CNBD1: variants seen among roughly 807,000 people sequenced by gnomAD.
CNBD1 encodes the protein cyclic nucleotide binding domain containing 1.
In CNBD1, 71 loss-of-function variants were observed where a neutral mutation model predicts 54.4. The ratio of observed to expected loss-of-function variants is 1.30; its 90% CI spans 1.08 to 1.59. The LOEUF is 1.59. Ranked by LOEUF, CNBD1 falls within the 40% of genes most tolerant of loss-of-function variation. The probability of loss-of-function intolerance (pLI) is 0.00; values close to 1 mark genes in which losing one functional copy is unlikely to be tolerated. For synonymous variants in CNBD1, 182 were observed against 170.7 expected (o/e 1.07, Z -0.51); for missense variants, 659 against 518.0 (o/e 1.27, Z -2.64).
intron 2 of CNBD1, among the ~76,000 whole-genome samples, chr8:87,391,050 A>C (rs188215188): frequency 2.1e-5 from 3 of 143,782 alleles, no homozygotes; most frequent in Non-Finnish European, 4.6e-5. Flanking sequence ...AAGAGAACCC[A>C]TGGACACAGG....
At chr8:86,947,670 A>G (rs1280855062) in intron 4 of CNBD1, among the ~76,000 whole-genome samples, 1 of 152,108 alleles carries the variant, frequency 6.6e-6, no homozygotes, top group African/African-American at 2.4e-5. Flanking sequence ...TATGGGGCAC[A>G]TGAGATGTTT....
intron 3 of CNBD1, among the ~76,000 whole-genome samples, chr8:86,925,235 C>T (rs765807571): frequency 6.6e-5 from 10 of 152,024 alleles, no homozygotes; most frequent in African/African-American, 2.2e-4. Context: ...TATCCTGGAG[C>T]GAGAATTTAC....
At chr8:87,280,050 C>A (rs912258476) in intron 6 of CNBD1, among the ~76,000 whole-genome samples, 1 of 151,504 alleles carries the variant, frequency 6.6e-6, no homozygotes, top group Non-Finnish European at 1.5e-5. Context: ...CAGAAAATTT[C>A]TATTTAAGCA....
intron 8 of CNBD1, among the ~76,000 whole-genome samples, chr8:87,314,555 A>G (rs1314301253): frequency 6.6e-6 from 1 of 151,874 alleles, no homozygotes; most frequent in Non-Finnish European, 1.5e-5. Flanking sequence ...TGAGCTTGCT[A>G]ACATTTTTAA....
intron 6 of CNBD1, among the ~76,000 whole-genome samples, chr8:87,278,000 A>G (rs1350629119): frequency 1.3e-5 from 2 of 151,698 alleles, no homozygotes; most frequent in African/African-American, 4.8e-5. Context: ...TGAACAATAA[A>G]TAAGAAAATG....
At chr8:87,256,142 C>A (rs189362189) in intron 6 of CNBD1, among the ~76,000 whole-genome samples, 2 of 148,576 alleles carry the variant, frequency 1.3e-5, no homozygotes, top group African/African-American at 4.9e-5. Flanking sequence ...CCTGCCTCAG[C>A]CTCCCCAGTG....
At chr8:87,384,625 C>A (rs1811147949), downstream of CNBD1, among the ~76,000 whole-genome samples, 1 of 152,094 alleles carries the variant, frequency 6.6e-6, no homozygotes, top group Non-Finnish European at 1.5e-5. Flanking sequence ...TTCAGAGCAC[C>A]TAACATTGTG....
At chr8:87,399,417 A>T (rs541116439) in intron 2 of CNBD1, among the ~76,000 whole-genome samples, 1 of 152,130 alleles carries the variant, frequency 6.6e-6, no homozygotes, top group South Asian at 2.1e-4. Flanking sequence ...TGTGAACATT[A>T]TGAAGGAAAT....
At chr8:86,874,986 T>TATATATATATATATA in intron 1 of CNBD1, among the ~76,000 whole-genome samples, 1 of 120,120 alleles carries the variant, frequency 8.3e-6, no homozygotes, top group African/African-American at 3.5e-5. Context: ...GTAAATCAAT[T>TATATATATATATATA]TATATATATA....
intron 4 of CNBD1, among the ~76,000 whole-genome samples, chr8:87,167,488 C>T (rs909364275): frequency 3.3e-5 from 5 of 151,704 alleles, no homozygotes; most frequent in African/African-American, 1.2e-4. Context: ...GATGGAGTCT[C>T]GCTCTGTCAC....
intron 4 of CNBD1, among the ~76,000 whole-genome samples, chr8:87,129,724 T>G (rs2130724964): frequency 6.6e-6 from 1 of 152,332 alleles, no homozygotes; most frequent in Middle Eastern, 3.4e-3. Context: ...ATCCATAATT[T>G]AGGTTATGTT....
intron 10 of CNBD1, among the ~76,000 whole-genome samples, chr8:87,363,237 C>A (rs1810559049): frequency 1.3e-5 from 2 of 152,050 alleles, no homozygotes; most frequent in Non-Finnish European, 2.9e-5. Flanking sequence ...GCCACATTTT[C>A]TTTATCCAGT....
At chr8:86,967,431 G>A (rs1808109314) in intron 4 of CNBD1, among the ~76,000 whole-genome samples, 1 of 152,236 alleles carries the variant, frequency 6.6e-6, no homozygotes, top group African/African-American at 2.4e-5. Context: ...TGCAACCCGG[G>A]AGCTCTGGTC....
intron 4 of CNBD1, among the ~76,000 whole-genome samples, chr8:87,121,040 G>A (rs113872569): frequency 6.6e-6 from 1 of 151,676 alleles, no homozygotes; most frequent in Non-Finnish European, 1.5e-5. Context: ...TTTCATTGTG[G>A]GGAGGTTTTT....
At chr8:87,403,467 C>A (rs538657839) in intron 2 of CNBD1, among the ~76,000 whole-genome samples, 1 of 152,038 alleles carries the variant, frequency 6.6e-6, no homozygotes, top group South Asian at 2.1e-4. Context: ...GCGTGCTACT[C>A]CATCCCTTAA....
At chr8:87,206,403 A>G (rs1301328733) in intron 5 of CNBD1, among the ~76,000 whole-genome samples, 3 of 152,154 alleles carry the variant, frequency 2.0e-5, no homozygotes. Context: ...ATTGAGACCC[A>G]TATTGTCGGG....
intron 8 of CNBD1, among the ~76,000 whole-genome samples, chr8:87,316,295 C>A (rs1809384358): frequency 6.6e-6 from 1 of 151,890 alleles, no homozygotes; most frequent in Admixed American, 6.6e-5. Flanking sequence ...AAGATAGTTT[C>A]TAAAAGGAAC....
At chr8:87,211,945 ATAAAT>A in intron 5 of CNBD1, among the ~76,000 whole-genome samples, 1 of 152,320 alleles carries the variant, frequency 6.6e-6, no homozygotes, top group South Asian at 2.1e-4. Context: ...GATAACTAAA[ATAAAT>A]TAATGTATTA....
intron 4 of CNBD1, among the ~76,000 whole-genome samples, chr8:87,118,314 C>A (rs1369913939): frequency 9.6e-4 from 105 of 109,150 alleles, no homozygotes; most frequent in East Asian, 2.1e-3. Flanking sequence ...GACTCTGTCT[C>A]AAAAAAAAAA....
Sources: gnomAD v4.1 joint callset for allele counts (sites outside exome capture counted in the v4.1 genomes callset) on GRCh38, gnomAD v4.1.1 for gene constraint, MANE v1.5 for transcripts, NCBI Gene and HGNC (gene_info 2026-07-23, HGNC 2026-07-21) for gene names.